Variants in CRACR2A observed in about 807,000 individuals in gnomAD.
CRACR2A encodes EF-hand calcium-binding domain-containing protein 4B.
A neutral mutation model predicts 90.5 loss-of-function variants in CRACR2A; 79 were observed. That is an observed-to-expected ratio of 0.87 (90% CI 0.73 to 1.05). The LOEUF (loss-of-function observed/expected upper bound fraction) is 1.05. Among genes scored for constraint, CRACR2A ranks in the 50% least tolerant of loss-of-function variants. The probability of loss-of-function intolerance (pLI) is 0.00; values close to 1 mark genes in which losing one functional copy is unlikely to be tolerated. For synonymous variants in CRACR2A, 338 were observed against 356.7 expected (o/e 0.95, Z 0.59); for missense variants, 823 against 897.2 (o/e 0.92, Z 1.06).
intron 2 of CRACR2A, among the ~76,000 whole-genome samples, chr12:3,716,082 T>C (rs954236246): frequency 1.3e-5 from 2 of 150,844 alleles, no homozygotes; most frequent in African/African-American, 4.9e-5. Flanking sequence ...TCTTTTTAGG[T>C]GTTTTTCTTC....
Position 3,738,046 on chromosome 12 carries a change from T to A in CRACR2A, c.-386-4836A>T, listed in dbSNP as rs1163421150. Among the ~76,000 whole-genome samples the A allele has an allele frequency of 2.6e-5, 4 of 152,254 alleles. No individual in the cohort carries two copies. In the East Asian group the frequency reaches 7.7e-4, roughly 29 times the overall value. On this transcript the variant is annotated intron_variant, in intron 1 of 19. Transcript: ENST00000440314. ...AGTGGCTTCTCATCACAACACCCTA[T>A]GCACTCTTTAGGGTATTCATAAAGT...
At chr12:3,686,632 C>T (rs1339908838) in intron 4 of CRACR2A, among the ~76,000 whole-genome samples, 2 of 152,128 alleles carry the variant, frequency 1.3e-5, no homozygotes, top group East Asian at 3.9e-4. Flanking sequence ...TAGCCTTTTC[C>T]TCTCTGTCCT....
intron 3 of CRACR2A, among the ~76,000 whole-genome samples, chr12:3,704,786 G>C (rs1031338827): frequency 6.6e-6 from 1 of 152,192 alleles, no homozygotes; most frequent in Non-Finnish European, 1.5e-5. Context: ...TCTGTTTGTG[G>C]AGGGAGCTAA....
intron 10 of CRACR2A, among the ~76,000 whole-genome samples, chr12:3,649,268 A>AT (rs5796070): frequency 7.9e-5 from 12 of 151,452 alleles, no homozygotes; most frequent in Admixed American, 3.3e-4. Flanking sequence ...AAATAAATAA[A>AT]AAAGAGTTTG....
chr12:3,615,525 C>A, intron 19 of CRACR2A, 86 bp from the exon 20 acceptor site: 1 of 1,169,394 alleles, frequency 8.6e-7, no homozygotes, highest in Non-Finnish European at 1.2e-6. Flanking sequence ...CCTCAGGTTA[C>A]AGGTCATCTG....
intron 2 of CRACR2A, chr12:3,732,690 C>T (rs146636381): frequency 6.6e-6 from 1 of 152,272 alleles, no homozygotes; most frequent in East Asian, 1.9e-4. Context: ...AGAAGCAGAC[C>T]CTGTGGGATG....
At chr12:3,649,994 C>A (rs1333364432) in intron 10 of CRACR2A, among the ~76,000 whole-genome samples, 1 of 152,210 alleles carries the variant, frequency 6.6e-6, no homozygotes, top group Non-Finnish European at 1.5e-5. Flanking sequence ...ATTCTGTCTT[C>A]ATTTTTCCTT....
intron 1 of CRACR2A, among the ~76,000 whole-genome samples, chr12:3,743,191 G>A (rs1287066390): frequency 2.0e-5 from 3 of 152,276 alleles, no homozygotes; most frequent in Middle Eastern, 3.4e-3. Context: ...TTTAGTTTGC[G>A]ATGTGTGACT....
rs1345758964 is a variant in CRACR2A, at chr12:3,633,824, C to T, written c.1603-88G>A. The T allele has an allele frequency of 2.0e-6, 3 of 1,522,036 alleles. No individual in the cohort carries two copies. 94.3% of individuals were successfully genotyped at this position (1,522,036 alleles called of 1,614,324 possible). A position where few individuals can be genotyped will look rare whatever the true frequency, so the allele number is the denominator to read the frequency against. ...ACCAGAGGCCCTTTACCCATCCCTA[C>T]AGTGGCCCTCAGGAGGTGCAGACCG... On this transcript the variant is annotated intron_variant, in intron 14 of 19. Coordinates refer to ENST00000440314, the MANE Select transcript of CRACR2A (RefSeq NM_001144958.2). This position sits in a 1 kb window ranked among gnomAD's most constrained non-coding sequence, Gnocchi z 4.5.
intron 4 of CRACR2A, among the ~76,000 whole-genome samples, chr12:3,689,712 G>A (rs189654782): frequency 3.3e-5 from 5 of 152,112 alleles, no homozygotes; most frequent in Admixed American, 1.3e-4. Flanking sequence ...CTCATAGAGT[G>A]AGTTAGAGAG....
intron 14 of CRACR2A, among the ~76,000 whole-genome samples, chr12:3,634,684 G>T (rs948052330): frequency 6.6e-6 from 1 of 152,200 alleles, no homozygotes; most frequent in Non-Finnish European, 1.5e-5. Context: ...ATTTAAAAGT[G>T]AATTTGGGGG....
intron 10 of CRACR2A, among the ~76,000 whole-genome samples, chr12:3,653,681 G>GA (rs1431458863): frequency 6.6e-6 from 1 of 152,082 alleles, no homozygotes; most frequent in African/African-American, 2.4e-5. Context: ...GGAACATGGT[G>GA]AAAAAAATGG....
chr12:3,667,063 T>G (rs986331007), intron 7 of CRACR2A, among the ~76,000 whole-genome samples: 2 of 152,222 alleles, frequency 1.3e-5, no homozygotes, highest in African/African-American at 4.8e-5. Context: ...GGCTGTGGTT[T>G]GATCAATTAT....
Position 3,641,799 on chromosome 12 carries a change from C to A in CRACR2A, c.1204G>T (p.Ala402Ser). The change falls in exon 13 of 20, where the codon GCA becomes TCA. Residue 402 changes from alanine to serine, a missense_variant. By Grantham distance (99) the Ala-to-Ser change is moderately conservative. Transcript: ENST00000440314. Reference sequence around the variant, plus strand: ...GAGCCAGATCTCTTTTTCCAACTTGCCCTGGAAGCAGCTGTGTTTGCCTTG... The same window carrying A: ...GAGCCAGATCTCTTTTTCCAACTTGACCTGGAAGCAGCTGTGTTTGCCTTG... Reference protein sequence around the residue: ...AAKANTAASRASWKKRSGSVI... With the variant: ...AAKANTAASRSSWKKRSGSVI... 6.4e-7 allele frequency: 1 copy of A among 1,551,660 alleles called. No individual in the cohort carries two copies. The highest frequency in any genetic ancestry group is 8.7e-7 in the Non-Finnish European group (1 of 1,146,980).
intron 14 of CRACR2A, among the ~76,000 whole-genome samples, chr12:3,634,942 C>G (rs1398344452): frequency 1.3e-5 from 2 of 152,108 alleles, no homozygotes; most frequent in African/African-American, 2.4e-5. Flanking sequence ...ACAAGGGCAC[C>G]AACTCTCTGC....
chr12:3,717,182 G>A (rs1056468732), intron 2 of CRACR2A, among the ~76,000 whole-genome samples: 5 of 152,140 alleles, frequency 3.3e-5, no homozygotes, highest in South Asian at 2.1e-4. Flanking sequence ...CAGGAAACCC[G>A]CAGCAGTCGA....
rs760858065 is a variant in CRACR2A, at chr12:3,700,152, C to A, written c.-36-3117G>T. On this transcript the variant is annotated intron_variant, in intron 3 of 19. Transcript: ENST00000440314. ...AGACATCTACTCTCAGGAGCTAACC[C>A]TGCACTTACACAACCCTGAGAATTA... Among the ~76,000 whole-genome samples, 100 of 152,166 alleles carry A rather than the reference C, an allele frequency of 6.6e-4. 1 individual carries two copies. The highest frequency in any genetic ancestry group is 1.2e-3 in the Non-Finnish European group (83 of 68,014).
chr12:3,625,216 G>T (rs914725208), intron 17 of CRACR2A, among the ~76,000 whole-genome samples: 2 of 152,058 alleles, frequency 1.3e-5, no homozygotes, highest in African/African-American at 4.8e-5. Context: ...ACACACCAAG[G>T]CTTCCGTGGG....
chr12:3,701,956 G>T lies in CRACR2A; in HGVS notation c.-36-4921C>A, dbSNP rs74734036. ...GATTGAGTTCAACACCATATAAAAA[G>T]ATGATAATCCTGACCAACCAGGGTT... is the stretch of plus-strand genomic sequence containing the variant. On this transcript the variant is annotated intron_variant, in intron 3 of 19. Coordinates refer to ENST00000440314, the MANE Select transcript of CRACR2A (RefSeq NM_001144958.2). Among the ~76,000 whole-genome samples, 374 of 152,230 alleles carry T rather than the reference G, an allele frequency of 2.5e-3. 5 individuals are homozygous for T. In the East Asian group the frequency reaches 0.051, roughly 21 times the overall value.
Sources: allele counts gnomAD v4.1 joint callset (sites outside exome capture counted in the v4.1 genomes callset), GRCh38; gene constraint gnomAD v4.1.1; non-coding constraint Gnocchi (gnomAD v3.1); transcripts MANE v1.5; gene names NCBI Gene and HGNC (gene_info 2026-07-23, HGNC 2026-07-21).